ADGRV1: variants seen among roughly 807,000 people sequenced by gnomAD.
ADGRV1 encodes the protein adhesion G protein-coupled receptor V1.
In ADGRV1, 359 loss-of-function variants were observed where a neutral mutation model predicts 596.2. The ratio of observed to expected loss-of-function variants is 0.60; its 90% CI spans 0.55 to 0.66. The LOEUF (loss-of-function observed/expected upper bound fraction) is 0.66, where lower values mean the gene tolerates loss of function less well. Among genes scored for constraint, ADGRV1 ranks in the 30% least tolerant of loss-of-function variants. ADGRV1 has a pLI of 0.00. For synonymous variants in ADGRV1, 2,681 were observed against 2,679.2 expected, an observed-to-expected ratio of 1.00 and a Z score of -0.02; for missense variants, 7,274 against 7,575.6, an observed-to-expected ratio of 0.96 and a Z score of 1.48.
intron 83 of ADGRV1, among the ~76,000 whole-genome samples, chr5:90,877,745 T>TA (rs1265969087): frequency 6.6e-6 from 1 of 152,158 alleles, no homozygotes; most frequent in African/African-American, 2.4e-5. Flanking sequence ...TTCTTTTTTT[T>TA]AATGTTATTT....
intron 47 of ADGRV1, 92 bp from the exon 48 acceptor site, chr5:90,725,457 C>T (rs531204485): frequency 1.3e-6 from 1 of 794,242 alleles, no homozygotes; most frequent in Non-Finnish European, 2.1e-6. Context: ...TTAAGTCTTG[C>T]ACTTCAGATT....
At chr5:90,892,723 A>G (rs1441976578) in intron 83 of ADGRV1, among the ~76,000 whole-genome samples, 1 of 152,176 alleles carries the variant, frequency 6.6e-6, no homozygotes, top group Admixed American at 6.5e-5. Flanking sequence ...GAGTTTGTAT[A>G]TTCTTGAATT....
chr5:91,109,876 G>A (rs1792216328), intron 87 of ADGRV1, among the ~76,000 whole-genome samples: 1 of 152,158 alleles, frequency 6.6e-6, no homozygotes. Context: ...AACAGTGCTT[G>A]GCAGGCCAAA....
rs1314967115 is a variant in ADGRV1, at chr5:90,721,531, A to AAAATAAAATAAAATAAAATAAAAT, written c.9748+475_9748+476insTAAAATAAAATAAAATAAAATAAA. On this transcript the variant is annotated intron_variant, in intron 45 of 89. Transcript: ENST00000405460. ...AAATAAAATAAAATAAAATAAAAAT[A>AAAATAAAATAAAATAAAATAAAAT]AAAATAAAATAAAATAAAATAAAAT... Among the ~76,000 whole-genome samples, 12 of 82,622 alleles carry AAAATAAAATAAAATAAAATAAAAT rather than the reference A, an allele frequency of 1.5e-4. 1 individual carries two copies. The highest frequency in any genetic ancestry group is 1.9e-4 in the African/African-American group (4 of 21,312). The allele number at this position is 82,622 out of a possible 152,430, so 54.2% of individuals were successfully genotyped here.
At chr5:91,036,582 C>T (rs1248153389) in intron 85 of ADGRV1, among the ~76,000 whole-genome samples, 1 of 151,110 alleles carries the variant, frequency 6.6e-6, no homozygotes, top group Non-Finnish European at 1.5e-5. Context: ...AAAAAACGGC[C>T]AGGCCTGCGG....
chr5:90,955,099 A>C (rs1777357268), intron 83 of ADGRV1, among the ~76,000 whole-genome samples: 1 of 152,112 alleles, frequency 6.6e-6, no homozygotes, highest in African/African-American at 2.4e-5. Flanking sequence ...TGAGACGATG[A>C]CCGTCTGCAA....
chr5:90,760,271 G>A (rs1388731110), intron 58 of ADGRV1, among the ~76,000 whole-genome samples: 3 of 127,842 alleles, frequency 2.3e-5, no homozygotes, highest in Admixed American at 8.6e-5. Flanking sequence ...GTGAGACTTC[G>A]TCTCAAAAAA....
intron 85 of ADGRV1, among the ~76,000 whole-genome samples, chr5:91,025,152 C>T (rs1231825933): frequency 6.6e-6 from 1 of 152,126 alleles, no homozygotes; most frequent in African/African-American, 2.4e-5. Context: ...GCATAATTCT[C>T]CTTCTCTCTA....
chr5:90,751,009 T>C (rs2149948698), intron 53 of ADGRV1, among the ~76,000 whole-genome samples: 1 of 152,282 alleles, frequency 6.6e-6, no homozygotes, highest in South Asian at 2.1e-4. Context: ...AGGATCAAAA[T>C]GTGGTTTCCA....
intron 86 of ADGRV1, among the ~76,000 whole-genome samples, chr5:91,088,867 C>CT (rs1391931488): frequency 1.9e-4 from 29 of 152,240 alleles, no homozygotes; most frequent in African/African-American, 6.7e-4. Flanking sequence ...ATTTGATAGT[C>CT]TATCATTGGG....
Position 90,855,737 on chromosome 5 carries a change from C to A in ADGRV1, c.17595-4C>A. The stretch of plus-strand genomic sequence containing the variant: ...GAAAAATGACTATTGTGTTTTTGCC[C>A]TAGCTGGTTGTCTGACAGTCAGTTT... On this transcript the variant is annotated splice_region_variant and splice_polypyrimidine_tract_variant and intron_variant, in intron 81 of 89. Coordinates refer to ENST00000405460, the MANE Select transcript of ADGRV1 (RefSeq NM_032119.4). 6.4e-7 allele frequency: 1 copy of A among 1,558,366 alleles called. No individual in the cohort carries two copies. Among genetic ancestry groups the A allele is most frequent in the South Asian group, 1.2e-5 (1 of 80,072 alleles).
intron 64 of ADGRV1, 23 bp downstream of exon 64, chr5:90,779,120 A>G (rs1485228508): frequency 2.8e-6 from 4 of 1,423,978 alleles, no homozygotes; most frequent in Non-Finnish European, 3.0e-6. Flanking sequence ...GGCAATTAGG[A>G]AAAAGAAAGC....
At chr5:90,867,067 C>A (rs1768194162) in intron 83 of ADGRV1, among the ~76,000 whole-genome samples, 1 of 152,002 alleles carries the variant, frequency 6.6e-6, no homozygotes, top group Non-Finnish European at 1.5e-5. Context: ...ATCACATTGC[C>A]AACCCATGTG....
intron 2 of ADGRV1, 83 bp from the exon 3 acceptor site, chr5:90,617,721 C>A: frequency 8.8e-7 from 1 of 1,135,028 alleles, no homozygotes; most frequent in Non-Finnish European, 1.2e-6. Flanking sequence ...TATGCTTTTT[C>A]TCTTGATTGC....
chr5:90,972,311 A>G (rs1198806058), intron 84 of ADGRV1, among the ~76,000 whole-genome samples: 1 of 152,162 alleles, frequency 6.6e-6, no homozygotes, highest in East Asian at 1.9e-4. Flanking sequence ...AAAGTTAACA[A>G]GGATATCCAG....
At chr5:91,151,199 T>C (rs764059611) in intron 88 of ADGRV1, among the ~76,000 whole-genome samples, 1 of 152,218 alleles carries the variant, frequency 6.6e-6, no homozygotes, top group African/African-American at 2.4e-5. Context: ...TGTCCAGAGA[T>C]AACTTTTGTC....
At chr5:91,000,400 G>T (rs753889318) in intron 85 of ADGRV1, among the ~76,000 whole-genome samples, 23 of 152,034 alleles carry the variant, frequency 1.5e-4, no homozygotes, top group Non-Finnish European at 2.9e-4. Flanking sequence ...CTACTTCACA[G>T]ATCCCTTGAA....
chr5:90,997,865 C>T (rs555796316), intron 85 of ADGRV1, among the ~76,000 whole-genome samples: 9 of 152,126 alleles, frequency 5.9e-5, no homozygotes, highest in Admixed American at 2.0e-4. Context: ...GTGGATTAAG[C>T]GAGATGATGT....
At position 90,609,703 on chromosome 5, in the gene ADGRV1, T is replaced by G. The variant is rs1009895646; in HGVS notation, c.23-5132T>G. ...TTCTAAACTTGAAAACCTTGTTCCT[T>G]TAGGATCATATTTTCAGTATTAATT... On this transcript the variant is annotated intron_variant, in intron 1 of 89. Coordinates refer to ENST00000405460, the MANE Select transcript of ADGRV1 (RefSeq NM_032119.4). 7.2e-5 allele frequency among the ~76,000 whole-genome samples: 11 copies of G among 152,006 alleles called. 1 individual carries two copies. Among genetic ancestry groups the G allele is most frequent in the African/African-American group, 2.7e-4 (11 of 41,414 alleles).
Sources: allele counts gnomAD v4.1 joint callset (sites outside exome capture counted in the v4.1 genomes callset), GRCh38; gene constraint gnomAD v4.1.1; transcripts MANE v1.5; gene names NCBI Gene and HGNC (gene_info 2026-07-23, HGNC 2026-07-21).